Variants in RNF175 observed in about 807,000 individuals in gnomAD.
The protein encoded by RNF175 is ring finger protein 175.
RNF175 carries 38 observed loss-of-function variants against 50.0 expected under a neutral mutation model. That is an observed-to-expected ratio of 0.76 (90% CI 0.59 to 1.00). RNF175 has a LOEUF of 1.00. RNF175 is among the 50% of genes least tolerant of loss of function. The pLI is 0.00. For missense variants in RNF175, 388 were observed against 409.6 expected (o/e 0.95, Z 0.46); for synonymous variants, 155 against 146.1 (o/e 1.06, Z -0.44).
chr4:153,712,440 A>ATAATCTCT (rs1330196916), intron 8 of RNF175, 35 bp downstream of exon 8: 1 of 1,191,862 alleles, frequency 8.4e-7, no homozygotes, highest in African/African-American at 1.5e-5. Context: ...AACATTCAAG[A>ATAATCTCT]TAATCTCTTA....
At chr4:153,759,732 G>T in intron 1 of RNF175, 65 bp downstream of exon 1, 1 of 1,117,486 alleles carries the variant, frequency 8.9e-7, no homozygotes. Flanking sequence ...CAGCCTGCCC[G>T]GCACCAGCGT....
At chr4:153,718,383 G>GACAC (rs141828140) in intron 6 of RNF175, among the ~76,000 whole-genome samples, 1 of 150,308 alleles carries the variant, frequency 6.7e-6, no homozygotes, top group Non-Finnish European at 1.5e-5. Flanking sequence ...AGTGTCTGTG[G>GACAC]ACACACACAC....
At chr4:153,746,465 C>T (rs952360411) in intron 3 of RNF175, among the ~76,000 whole-genome samples, 10 of 133,182 alleles carry the variant, frequency 7.5e-5, no homozygotes, top group Admixed American at 3.0e-4. Context: ...TTGCATGCTG[C>T]ATGCCCATAG....
intron 3 of RNF175, among the ~76,000 whole-genome samples, chr4:153,729,093 T>C (rs1390340638): frequency 1.3e-5 from 2 of 152,246 alleles, no homozygotes; most frequent in Non-Finnish European, 2.9e-5. Context: ...ACCATAGCTA[T>C]ACTCCTACTC....
At chr4:153,748,008 G>C (rs1740070678) in intron 3 of RNF175, among the ~76,000 whole-genome samples, 1 of 152,208 alleles carries the variant, frequency 6.6e-6, no homozygotes, top group East Asian at 1.9e-4. Flanking sequence ...GAGAATGAGA[G>C]AGAAAATGGG....
At chr4:153,735,899 A>T (rs1739330307) in intron 3 of RNF175, among the ~76,000 whole-genome samples, 1 of 152,172 alleles carries the variant, frequency 6.6e-6, no homozygotes, top group Non-Finnish European at 1.5e-5. Flanking sequence ...TGATTCTTTG[A>T]GATTTTCCAT....
chr4:153,725,646 A>C (rs543569650), intron 4 of RNF175, among the ~76,000 whole-genome samples: 1 of 152,328 alleles, frequency 6.6e-6, no homozygotes, highest in South Asian at 2.1e-4. Context: ...GGTCTGATCC[A>C]AGGCTTTGCT....
intron 1 of RNF175, among the ~76,000 whole-genome samples, chr4:153,751,992 G>C (rs1356244237): frequency 1.3e-5 from 2 of 152,340 alleles, no homozygotes; most frequent in Non-Finnish European, 2.9e-5. Flanking sequence ...TTGTTAAGAA[G>C]GCATCATTAC....
Position 153,750,462 on chromosome 4 carries a change from A to G in RNF175, c.104+976T>C, listed in dbSNP as rs373725345. On this transcript the variant is annotated intron_variant, in intron 2 of 8. Coordinates refer to ENST00000347063, the MANE Select transcript of RNF175 (RefSeq NM_173662.4). ...CACAGAGCCCAGTAAATACTGCTCAAGTTCAGTTTCTTTGAGAGGGATTCT... is the reference window on the plus strand; with the variant it reads ...CACAGAGCCCAGTAAATACTGCTCAGGTTCAGTTTCTTTGAGAGGGATTCT... Among the ~76,000 whole-genome samples, 404 of 152,342 alleles carry G rather than the reference A, an allele frequency of 2.7e-3. 2 individuals are homozygous for G. Among genetic ancestry groups the G allele is most frequent in the Non-Finnish European group, 5.2e-3 (354 of 68,030 alleles).
intron 3 of RNF175, among the ~76,000 whole-genome samples, chr4:153,731,731 A>G (rs2127129518): frequency 6.6e-6 from 1 of 152,298 alleles, no homozygotes; most frequent in East Asian, 1.9e-4. Flanking sequence ...AAAGAAAAAA[A>G]TAAATAAATT....
At chr4:153,752,752 G>C (rs1317546166) in intron 1 of RNF175, among the ~76,000 whole-genome samples, 1 of 152,092 alleles carries the variant, frequency 6.6e-6, no homozygotes, top group East Asian at 1.9e-4. Context: ...ACTGGGGAAA[G>C]CATAACATAT....
intron 4 of RNF175, among the ~76,000 whole-genome samples, chr4:153,724,557 C>A (rs895005672): frequency 7.9e-5 from 12 of 152,276 alleles, no homozygotes; most frequent in Admixed American, 6.5e-4. Flanking sequence ...TTAGCCCCAC[C>A]CTCTCACCCC....
intron 3 of RNF175, among the ~76,000 whole-genome samples, chr4:153,737,006 G>A (rs184121908): frequency 2.0e-5 from 3 of 152,102 alleles, no homozygotes; most frequent in Non-Finnish European, 2.9e-5. Flanking sequence ...CTACAGGCAC[G>A]TGCCATGATG....
chr4:153,748,982 A>G (rs750550496), intron 2 of RNF175, among the ~76,000 whole-genome samples, 196 bp from the exon 3 acceptor site: 2 of 152,212 alleles, frequency 1.3e-5, no homozygotes, highest in Non-Finnish European at 2.9e-5. Context: ...CCCTTTCCCT[A>G]GATCTGGAGA....
At chr4:153,716,770 G>A (rs1218003124) in intron 6 of RNF175, among the ~76,000 whole-genome samples, 1 of 152,184 alleles carries the variant, frequency 6.6e-6, no homozygotes, top group African/African-American at 2.4e-5. Context: ...CAAGATTGAT[G>A]TTGCAGTCTT....
chr4:153,748,461 T>C, intron 3 of RNF175, 184 bp downstream of exon 3: 1 of 486,410 alleles, frequency 2.1e-6, no homozygotes, highest in Non-Finnish European at 3.5e-6. Context: ...GTCTTGACAG[T>C]CAAAAATGTT....
At chr4:153,720,904 T>C (rs1738296971) in intron 5 of RNF175, among the ~76,000 whole-genome samples, 1 of 152,234 alleles carries the variant, frequency 6.6e-6, no homozygotes, top group African/African-American at 2.4e-5. Flanking sequence ...TAAAATACTT[T>C]CTAATGATCT....
At chr4:153,736,573 T>C (rs1028994388) in intron 3 of RNF175, among the ~76,000 whole-genome samples, 9 of 152,228 alleles carry the variant, frequency 5.9e-5, no homozygotes, top group African/African-American at 1.7e-4. Context: ...TGGGAGAGAT[T>C]GTAGAGAACT....
At chr4:153,710,521 A>G in intron 8 of RNF175, 32 bp from the exon 9 acceptor site, 1 of 1,598,934 alleles carries the variant, frequency 6.3e-7, no homozygotes, top group East Asian at 2.2e-5. Context: ...TGTTCTATAT[A>G]CAGCCAAGTA....
Sources: allele counts gnomAD v4.1 joint callset (sites outside exome capture counted in the v4.1 genomes callset), GRCh38; gene constraint gnomAD v4.1.1; transcripts MANE v1.5; gene names NCBI Gene and HGNC (gene_info 2026-07-23, HGNC 2026-07-21).